The following RUFY3 variants were observed in gnomAD, a reference collection of about 807,000 sequenced individuals.
RUFY3 encodes RUN and FYVE domain containing 3.
Under a neutral mutation model 84.0 loss-of-function variants are expected in RUFY3, and 34 were observed. The ratio of observed to expected loss-of-function variants is 0.40; its 90% CI spans 0.31 to 0.54. RUFY3 has a LOEUF of 0.54. Among genes scored for constraint, RUFY3 ranks in the 20% least tolerant of loss-of-function variants. RUFY3 has a pLI of 0.39. For missense variants in RUFY3, 507 were observed against 736.8 expected, an observed-to-expected ratio of 0.69 and a Z score of 3.61; for synonymous variants, 242 against 252.9, an observed-to-expected ratio of 0.96 and a Z score of 0.41.
chr4:70,741,792 C>A, intron 1 of RUFY3: 1 of 709,582 alleles, frequency 1.4e-6, no homozygotes, highest in Non-Finnish European at 2.1e-6. Flanking sequence ...TTTTATTTCC[C>A]ATGGCAATAA....
chr4:70,723,517 GACTT>G (rs1427242064), intron 1 of RUFY3, among the ~76,000 whole-genome samples: 124 of 143,528 alleles, frequency 8.6e-4, no homozygotes, highest in Admixed American at 7.0e-3. Flanking sequence ...GTGGTCTCTT[GACTT>G]GCGACTTTTT....
upstream of RUFY3, among the ~76,000 whole-genome samples, chr4:70,719,394 A>T (rs939942685): frequency 6.6e-6 from 1 of 152,214 alleles, no homozygotes; most frequent in African/African-American, 2.4e-5. Flanking sequence ...GGTATGTTGC[A>T]ATCAATCTAG....
chr4:70,792,196 G>T (rs1730937814), intron 12 of RUFY3: 6 of 985,406 alleles, frequency 6.1e-6, no homozygotes, highest in Non-Finnish European at 7.2e-6. Context: ...AAAGGACAGG[G>T]TATAGACATG....
chr4:70,749,333 G>T (rs1722734193), intron 1 of RUFY3, among the ~76,000 whole-genome samples: 1 of 152,104 alleles, frequency 6.6e-6, no homozygotes, highest in Non-Finnish European at 1.5e-5. Flanking sequence ...ATTATATTAT[G>T]ATATGGGAGC....
At position 70,808,518 on chromosome 4, in the gene RUFY3, A is replaced by G. The variant is rs75188693; in HGVS notation, c.*1859A>G. 0.012 allele frequency among the ~76,000 whole-genome samples: 1,884 copies of G among 152,312 alleles called. 31 individuals are homozygous for G. The highest frequency in any genetic ancestry group is 0.056 in the South Asian group (271 of 4,828). On this transcript the variant is annotated 3_prime_UTR_variant, in exon 18 of 18. Transcript: ENST00000381006. Reference sequence around the variant, plus strand: ...TTCTGTCTCTTGGAAAGAGTTAACAACAGCCTGGGAAAGAGTTGTTATTCC... The same window carrying G: ...TTCTGTCTCTTGGAAAGAGTTAACAGCAGCCTGGGAAAGAGTTGTTATTCC...
At position 70,722,840 on chromosome 4, in the gene RUFY3, C is replaced by G. The variant is rs140198177; in HGVS notation, c.178+89C>G. On this transcript the variant is annotated intron_variant, in intron 1 of 17. Transcript: ENST00000381006. Reference sequence around the variant, plus strand: ...GAGGATCAGGGAGAGGTAGAAAGAACCTACACTCTCAACTGTTAACAGTCC... The same window carrying G: ...GAGGATCAGGGAGAGGTAGAAAGAAGCTACACTCTCAACTGTTAACAGTCC... The G allele has an allele frequency of 3.1e-6, 4 of 1,277,514 alleles. No individual in the cohort carries two copies. In the East Asian group the frequency reaches 9.4e-5, roughly 30 times the overall value. The allele number at this position is 1,277,514 out of a possible 1,614,324, so 79.1% of individuals were successfully genotyped here. A position where few individuals can be genotyped will look rare whatever the true frequency, so the allele number is the denominator to read the frequency against.
At chr4:70,704,870 C>T (rs1291288965) in exon 1 of RUFY3, 3 of 1,085,178 alleles carry the variant, frequency 2.8e-6, no homozygotes, top group African/African-American at 1.7e-5. Flanking sequence ...GCTCCTCGCC[C>T]TGACCCTCTG....
At chr4:70,731,178 C>A (rs548991208) in intron 1 of RUFY3, among the ~76,000 whole-genome samples, 17 of 151,572 alleles carry the variant, frequency 1.1e-4, no homozygotes, top group African/African-American at 4.1e-4. Context: ...GCTGGGATTA[C>A]AGGTGCCCGC....
chr4:70,763,358 G>T (rs981657496), intron 2 of RUFY3, among the ~76,000 whole-genome samples, 194 bp from the exon 3 acceptor site: 10 of 152,014 alleles, frequency 6.6e-5, no homozygotes, highest in African/African-American at 1.7e-4. Context: ...AAGAAGAAGG[G>T]CTGAGTCTTG....
At chr4:70,729,957 G>A (rs1203540137) in intron 1 of RUFY3, among the ~76,000 whole-genome samples, 2 of 115,614 alleles carry the variant, frequency 1.7e-5, no homozygotes, top group African/African-American at 6.5e-5. Context: ...TTTTTGAGAT[G>A]GAGTCTCGCT....
At chr4:70,731,892 A>G (rs1336390271) in intron 1 of RUFY3, among the ~76,000 whole-genome samples, 1 of 152,228 alleles carries the variant, frequency 6.6e-6, no homozygotes, top group Non-Finnish European at 1.5e-5. Flanking sequence ...GATAGCAGTA[A>G]TGTTCACGAT....
chr4:70,765,877 C>T (rs1725820075), intron 4 of RUFY3, among the ~76,000 whole-genome samples: 1 of 151,970 alleles, frequency 6.6e-6, no homozygotes, highest in African/African-American at 2.4e-5. Context: ...ATTCTCCTGC[C>T]ACAGCCTCCT....
At chr4:70,801,550 G>A (rs1490630339) in intron 15 of RUFY3, among the ~76,000 whole-genome samples, 2 of 152,242 alleles carry the variant, frequency 1.3e-5, no homozygotes, top group African/African-American at 4.8e-5. Flanking sequence ...GAAGAGGTTA[G>A]TGATGAGGAA....
intron 2 of RUFY3, among the ~76,000 whole-genome samples, chr4:70,763,053 G>T (rs1725296873): frequency 6.6e-6 from 1 of 152,084 alleles, no homozygotes; most frequent in Non-Finnish European, 1.5e-5. Flanking sequence ...CCGACTCTTG[G>T]GTCAGTGTTC....
chr4:70,709,849 T>C (rs1179646890), intron 1 of RUFY3, among the ~76,000 whole-genome samples: 1 of 152,234 alleles, frequency 6.6e-6, no homozygotes. Context: ...CCTTGTCTTT[T>C]CTCTCCCAGT....
chr4:70,783,184 G>T lies in RUFY3; in HGVS notation c.987+1G>T. 2 of 1,560,852 alleles carry T rather than the reference G, an allele frequency of 1.3e-6. No homozygotes were observed. Among genetic ancestry groups the T allele is most frequent in the Non-Finnish European group, 1.8e-6 (2 of 1,133,628 alleles). On this transcript the variant is annotated splice_donor_variant, in intron 9 of 17. Transcript: ENST00000381006. LOFTEE classifies it high-confidence loss of function. ...CTACATACTGGAATCCAATCGGAAG[G>T]TTAATCTTACTGGATTTATAAAATA...
intron 1 of RUFY3, among the ~76,000 whole-genome samples, chr4:70,742,411 C>T (rs753451010): frequency 6.6e-6 from 1 of 152,206 alleles, no homozygotes; most frequent in Non-Finnish European, 1.5e-5. Flanking sequence ...CACACATCCA[C>T]CACTCTGTCC....
At chr4:70,793,673 C>T in intron 12 of RUFY3, 112 bp from the exon 13 acceptor site, 2 of 1,584,656 alleles carry the variant, frequency 1.3e-6, no homozygotes, top group African/African-American at 2.7e-5. Flanking sequence ...TTTCCTCTCT[C>T]TGTCTCTCTG....
intron 14 of RUFY3, among the ~76,000 whole-genome samples, chr4:70,798,711 G>A (rs1209787366): frequency 6.6e-6 from 1 of 151,588 alleles, no homozygotes; most frequent in Non-Finnish European, 1.5e-5. Context: ...GAAACCAGGA[G>A]GCAGAGGTTG....
Sources: allele counts gnomAD v4.1 joint callset (sites outside exome capture counted in the v4.1 genomes callset), GRCh38; gene constraint gnomAD v4.1.1; transcripts MANE v1.5; gene names NCBI Gene and HGNC (gene_info 2026-07-23, HGNC 2026-07-21).